MARK3: variants seen among roughly 807,000 people sequenced by gnomAD.
MARK3 encodes the protein MAP/microtubule affinity-regulating kinase 3.
A neutral mutation model predicts 90.1 loss-of-function variants in MARK3; 46 were observed. That is an observed-to-expected ratio of 0.51 (90% CI 0.40 to 0.65). The LOEUF is 0.65. Ranked by LOEUF, MARK3 falls within the 30% of genes least tolerant of loss-of-function variation. MARK3 has a pLI of 0.00. For synonymous variants in MARK3, 321 were observed against 332.6 expected, an observed-to-expected ratio of 0.97 and a Z score of 0.38; for missense variants, 818 against 947.2, an observed-to-expected ratio of 0.86 and a Z score of 1.79.
chr14:103,470,059 CAA>C (rs77013768), intron 12 of MARK3, among the ~76,000 whole-genome samples: 161 of 111,256 alleles, frequency 1.4e-3, no homozygotes, highest in Middle Eastern at 4.9e-3. Flanking sequence ...GAGTCCATCT[CAA>C]AAAAAAAAAA....
intron 1 of MARK3, among the ~76,000 whole-genome samples, chr14:103,393,882 AC>A (rs1295071593): frequency 2.0e-5 from 3 of 151,786 alleles, no homozygotes; most frequent in Non-Finnish European, 4.4e-5. Flanking sequence ...ACAGGCACAC[AC>A]CACCATGCCC....
At chr14:103,448,672 T>C (rs2093054516) in intron 3 of MARK3, among the ~76,000 whole-genome samples, 1 of 152,168 alleles carries the variant, frequency 6.6e-6, no homozygotes, top group Non-Finnish European at 1.5e-5. Context: ...TATGTTACCA[T>C]CCCCCTTTGA....
At chr14:103,392,657 C>T (rs1244717438) in intron 1 of MARK3, among the ~76,000 whole-genome samples, 1 of 152,092 alleles carries the variant, frequency 6.6e-6, no homozygotes, top group East Asian at 1.9e-4. Context: ...TTTTCAGGTT[C>T]CATGAGTTTA....
At chr14:103,478,541 C>A (rs562532098) in intron 13 of MARK3, among the ~76,000 whole-genome samples, 124 of 150,842 alleles carry the variant, frequency 8.2e-4, no homozygotes, top group African/African-American at 3.0e-3. Flanking sequence ...CATGTATTTT[C>A]TTTTCCCTTT....
chr14:103,478,817 G>A (rs1297218005), intron 13 of MARK3, among the ~76,000 whole-genome samples: 5 of 152,312 alleles, frequency 3.3e-5, no homozygotes, highest in Middle Eastern at 3.4e-3. Flanking sequence ...GGGATTACAG[G>A]CGTGAGCCAC....
At chr14:103,502,188 C>A (rs1186750158) in intron 17 of MARK3, among the ~76,000 whole-genome samples, 1 of 152,252 alleles carries the variant, frequency 6.6e-6, no homozygotes, top group Non-Finnish European at 1.5e-5. Flanking sequence ...CATTCTGAAT[C>A]CACAGGGCAT....
At chr14:103,487,021 A>T (rs1380889001) in intron 14 of MARK3, among the ~76,000 whole-genome samples, 2 of 151,756 alleles carry the variant, frequency 1.3e-5, no homozygotes, top group Admixed American at 1.3e-4. Context: ...GGTTTAAACG[A>T]TTCTTATACC....
chr14:103,462,199 A>T (rs2093415572), intron 6 of MARK3, among the ~76,000 whole-genome samples: 2 of 152,190 alleles, frequency 1.3e-5, no homozygotes, highest in South Asian at 4.1e-4. Context: ...AAAACGGAAG[A>T]ACGTCCTCAC....
At chr14:103,502,641 A>G (rs2142190148) in intron 17 of MARK3, among the ~76,000 whole-genome samples, 1 of 152,352 alleles carries the variant, frequency 6.6e-6, no homozygotes, top group South Asian at 2.1e-4. Flanking sequence ...TAGTAAGCAC[A>G]GGTGGCTGGT....
chr14:103,432,225 C>T (rs2092604096), intron 3 of MARK3, among the ~76,000 whole-genome samples: 1 of 152,146 alleles, frequency 6.6e-6, no homozygotes, highest in African/African-American at 2.4e-5. Context: ...AAGATTTAAC[C>T]ACCATTCTTA....
chr14:103,456,119 G>A (rs917122249), intron 5 of MARK3, among the ~76,000 whole-genome samples: 1 of 152,118 alleles, frequency 6.6e-6, no homozygotes, highest in South Asian at 2.1e-4. Flanking sequence ...CCACCTAGGC[G>A]TGCATCAGCT....
intron 3 of MARK3, among the ~76,000 whole-genome samples, chr14:103,446,953 A>AATTT (rs2093012279): frequency 6.6e-6 from 1 of 152,164 alleles, no homozygotes; most frequent in African/African-American, 2.4e-5. Flanking sequence ...GGTTGTCAGG[A>AATTT]ATTTACTTGG....
intron 12 of MARK3, among the ~76,000 whole-genome samples, chr14:103,470,522 C>A (rs774318263): frequency 1.7e-5 from 2 of 117,564 alleles, no homozygotes; most frequent in African/African-American, 6.4e-5. Context: ...ATAGCGCGAT[C>A]TCGGCTCACT....
chr14:103,436,409 CT>C (rs71460676), intron 3 of MARK3, among the ~76,000 whole-genome samples: 126 of 140,616 alleles, frequency 9.0e-4, no homozygotes, highest in Admixed American at 1.2e-3. Flanking sequence ...TCTTTTCTTT[CT>C]TTTTTTTTTT....
intron 14 of MARK3, chr14:103,490,027 A>G (rs1421527050): frequency 6.6e-6 from 1 of 152,346 alleles, no homozygotes; most frequent in African/African-American, 2.4e-5. Context: ...TGTTAAAACA[A>G]CATTGGAAGG....
At position 103,421,474 on chromosome 14, in the gene MARK3, A is replaced by G. The variant is rs1161546380; in HGVS notation, c.244-6913A>G. Among the ~76,000 whole-genome samples the G allele has an allele frequency of 2.6e-5, 4 of 152,296 alleles. No homozygotes were observed. In the East Asian group the frequency reaches 5.8e-4, roughly 22 times the overall value. ...TTTGTGTGATTTTTTTATTTTGTTC[A>G]TGTCTTCAAGAGTGGAGCCCTAAGA... On this transcript the variant is annotated intron_variant, in intron 2 of 17. Coordinates refer to ENST00000429436, the MANE Select transcript of MARK3 (RefSeq NM_001128918.3).
chr14:103,408,496 A>C (rs1436437368), intron 2 of MARK3, among the ~76,000 whole-genome samples: 1 of 152,166 alleles, frequency 6.6e-6, no homozygotes, highest in Non-Finnish European at 1.5e-5. Flanking sequence ...GCCTGAATGT[A>C]GTAATACTTT....
Position 103,405,071 on chromosome 14 carries a change from T to C in MARK3, c.52-5T>C. ...TTCCTTATCTTTGTGTATGCTGTAT[T>C]GCAGCACACGTCACATGGAGATGGG... is the stretch of plus-strand genomic sequence containing the variant. On this transcript the variant is annotated splice_polypyrimidine_tract_variant and splice_region_variant and intron_variant, in intron 1 of 17. Transcript: ENST00000429436. The C allele has an allele frequency of 6.2e-7, 1 of 1,613,272 alleles. No individual in the cohort carries two copies. Among genetic ancestry groups the C allele is most frequent in the East Asian group, 2.2e-5 (1 of 44,848 alleles).
chr14:103,445,723 T>C (rs1373740759), intron 3 of MARK3, among the ~76,000 whole-genome samples: 2 of 152,232 alleles, frequency 1.3e-5, no homozygotes, highest in Non-Finnish European at 2.9e-5. Flanking sequence ...CCAAATCTTT[T>C]GAATTCCTGT....
Sources: allele counts gnomAD v4.1 joint callset (sites outside exome capture counted in the v4.1 genomes callset), GRCh38; gene constraint gnomAD v4.1.1; transcripts MANE v1.5; gene names NCBI Gene and HGNC (gene_info 2026-07-23, HGNC 2026-07-21).